NAV1: variants seen among roughly 807,000 people sequenced by gnomAD.
NAV1 encodes the protein neuron navigator 1, also known as pore membrane and/or filament interacting like protein 3.
Under a neutral mutation model 175.2 loss-of-function variants are expected in NAV1, and 18 were observed. That is an observed-to-expected ratio of 0.10 (90% confidence interval 0.07 to 0.15). NAV1 has a LOEUF of 0.15. NAV1 is among the 10% of genes least tolerant of loss of function. The probability of loss-of-function intolerance (pLI) is 1.00; values close to 1 mark genes in which losing one functional copy is unlikely to be tolerated. For synonymous variants in NAV1, 897 were observed against 978.7 expected (o/e 0.92, Z 1.56); for missense variants, 1,731 against 2,436.6 (o/e 0.71, Z 6.10).
intron 3 of NAV1, among the ~76,000 whole-genome samples, chr1:201,746,159 C>A (rs192304919): frequency 6.7e-6 from 1 of 149,518 alleles, no homozygotes; most frequent in East Asian, 1.9e-4. Flanking sequence ...TATATTTTCC[C>A]CATATTTACT....
chr1:201,708,440 G>GCACACACACACA (rs3053753), intron 1 of NAV1, among the ~76,000 whole-genome samples: 10 of 148,198 alleles, frequency 6.7e-5, no homozygotes, highest in African/African-American at 2.5e-4. Context: ...CTACTTGCGC[G>GCACACACACACA]CACACACACA....
chr1:201,765,367 C>G (rs1571469651), intron 3 of NAV1, among the ~76,000 whole-genome samples: 1 of 128,788 alleles, frequency 7.8e-6, no homozygotes, highest in South Asian at 2.6e-4. Flanking sequence ...TGGGTTTGAT[C>G]TTCAGGAAAT....
At chr1:201,561,242 A>G (rs1269997268) in intron 1 of NAV1, among the ~76,000 whole-genome samples, 2 of 152,182 alleles carry the variant, frequency 1.3e-5, no homozygotes, top group Admixed American at 6.5e-5. Context: ...ATTGTCAGTC[A>G]ATGAAGTAGT....
chr1:201,676,639 C>G (rs1419214959), intron 1 of NAV1, among the ~76,000 whole-genome samples: 1 of 152,230 alleles, frequency 6.6e-6, no homozygotes. Context: ...CAACACCCAA[C>G]CAGCTCTGCT....
At chr1:201,768,352 G>T (rs1265633803) in intron 3 of NAV1, among the ~76,000 whole-genome samples, 3 of 92,964 alleles carry the variant, frequency 3.2e-5, no homozygotes, top group African/African-American at 4.7e-5. Context: ...AAAAAAAAGA[G>T]TAAGTACAGG....
intron 1 of NAV1, among the ~76,000 whole-genome samples, chr1:201,574,470 C>CCAGA (rs1666637425): frequency 6.6e-6 from 1 of 152,116 alleles, no homozygotes; most frequent in Non-Finnish European, 1.5e-5. Context: ...GATGGGCCAC[C>CCAGA]CAGAGCCTGT....
intron 3 of NAV1, among the ~76,000 whole-genome samples, chr1:201,729,261 G>C (rs566235827): frequency 1.3e-5 from 2 of 152,378 alleles, no homozygotes; most frequent in African/African-American, 4.8e-5. Flanking sequence ...CCAGCTCTGA[G>C]TCTTTGGAAA....
chr1:201,556,263 A>G (rs1666007226), intron 1 of NAV1, among the ~76,000 whole-genome samples: 1 of 151,910 alleles, frequency 6.6e-6, no homozygotes, highest in African/African-American at 2.4e-5. Context: ...AATAAAAATA[A>G]AAAAATTAGT....
intron 3 of NAV1, among the ~76,000 whole-genome samples, chr1:201,726,354 A>G (rs1571909367): frequency 6.6e-6 from 1 of 152,170 alleles, no homozygotes; most frequent in East Asian, 1.9e-4. Context: ...TTTGAAATCT[A>G]TTATTCTGGT....
Position 201,787,652 on chromosome 1 carries a change from G to A in NAV1, c.2996-816G>A, listed in dbSNP as rs1399281733. 3 of 456,124 alleles carry A rather than the reference G, an allele frequency of 6.6e-6. No individual in the cohort carries two copies. Among genetic ancestry groups the A allele is most frequent in the African/African-American group, 6.0e-5 (3 of 50,076 alleles). The allele number at this position is 456,124 out of a possible 1,614,324, so 28.3% of individuals were successfully genotyped here. On this transcript the variant is annotated intron_variant, in intron 9 of 29. Coordinates refer to ENST00000367296, the Ensembl canonical transcript of NAV1. This position sits in a 1 kb window ranked among gnomAD's most constrained non-coding sequence, Gnocchi z 4.3. ...GAGGTGTGCCATCTTCTTCTGCACAGGTCTTTATGGACAGATTAGACATCC... is the reference window on the plus strand; with the variant it reads ...GAGGTGTGCCATCTTCTTCTGCACAAGTCTTTATGGACAGATTAGACATCC...
intron 1 of NAV1, among the ~76,000 whole-genome samples, chr1:201,561,756 C>G (rs559642732): frequency 6.6e-6 from 1 of 152,274 alleles, no homozygotes; most frequent in Admixed American, 6.5e-5. Flanking sequence ...TGGCTGTGTT[C>G]CCTACTCAGC....
intron 1 of NAV1, among the ~76,000 whole-genome samples, chr1:201,667,303 C>G (rs906775507): frequency 6.6e-6 from 1 of 152,200 alleles, no homozygotes; most frequent in East Asian, 1.9e-4. Flanking sequence ...TGGGCACACA[C>G]AGCTGGTTCT....
rs566114877 is a variant in NAV1 at position 201,694,646 on chromosome 1, T to A, written c.758-18171T>A. On this transcript the variant is annotated intron_variant, in intron 1 of 29. Transcript: ENST00000367296. This position sits in a 1 kb window ranked among gnomAD's most constrained non-coding sequence, Gnocchi z 4.2. ...ACATGCTATTGACAAAGATGAGAAG[T>A]GAACCGGGAGCCGTAAATAGCCAGG... is the stretch of plus-strand genomic sequence containing the variant. Among the ~76,000 whole-genome samples, 3 of 152,102 alleles carry A rather than the reference T, an allele frequency of 2.0e-5. No homozygotes were observed. Among genetic ancestry groups the A allele is most frequent in the Middle Eastern group, 3.2e-3 (1 of 316 alleles).
intron 1 of NAV1, among the ~76,000 whole-genome samples, chr1:201,703,898 C>A (rs568475757): frequency 1.3e-5 from 2 of 152,308 alleles, no homozygotes; most frequent in Non-Finnish European, 2.9e-5. Flanking sequence ...CAGCTCCCAG[C>A]CTCAAGAACA....
At chr1:201,671,212 G>T (rs149928905) in intron 1 of NAV1, among the ~76,000 whole-genome samples, 1 of 152,156 alleles carries the variant, frequency 6.6e-6, no homozygotes, top group Non-Finnish European at 1.5e-5. Context: ...CCTGCCTTCC[G>T]CGAGGGTATT....
rs910260978 is a variant in NAV1 at position 201,808,257 on chromosome 1, C to G, written c.3845+108C>G. 2.8e-6 allele frequency: 4 copies of G among 1,420,048 alleles called. No individual in the cohort carries two copies. The highest frequency in any genetic ancestry group is 3.9e-6 in the Non-Finnish European group (4 of 1,033,520). 88.0% of individuals were successfully genotyped at this position (1,420,048 alleles called of 1,614,324 possible). A position where few individuals can be genotyped will look rare whatever the true frequency, so the allele number is the denominator to read the frequency against. ...TAGACAAGCAGTACTTATTACTGAC[C>G]TCTCCCTGGGCATATGAGACCAACA... On this transcript the variant is annotated intron_variant, in intron 18 of 29. Coordinates refer to ENST00000367296, the Ensembl canonical transcript of NAV1. The surrounding 1 kb of genome is among the most constrained non-coding windows in gnomAD (Gnocchi z 5.5).
chr1:201,771,640 A>C (rs2102674798), intron 3 of NAV1, among the ~76,000 whole-genome samples: 1 of 152,238 alleles, frequency 6.6e-6, no homozygotes, highest in African/African-American at 2.4e-5. Flanking sequence ...GGATATACCT[A>C]TTGCCACACT....
intron 1 of NAV1, among the ~76,000 whole-genome samples, chr1:201,572,796 A>G (rs1165069922): frequency 2.0e-5 from 3 of 152,204 alleles, no homozygotes; most frequent in Non-Finnish European, 4.4e-5. Flanking sequence ...TAAACTGTGC[A>G]GGTGTTGACA....
intron 1 of NAV1, among the ~76,000 whole-genome samples, chr1:201,544,000 C>T (rs375466386): frequency 6.6e-6 from 1 of 152,224 alleles, no homozygotes; most frequent in African/African-American, 2.4e-5. Flanking sequence ...CACCACTGGC[C>T]CTGATGCAGA....
Sources: allele counts gnomAD v4.1 joint callset (sites outside exome capture counted in the v4.1 genomes callset), GRCh38; gene constraint gnomAD v4.1.1; non-coding constraint Gnocchi (gnomAD v3.1); transcripts MANE v1.5; gene names NCBI Gene and HGNC (gene_info 2026-07-23, HGNC 2026-07-21).